MAPKAP1: variants seen among roughly 807,000 people sequenced by gnomAD.
The protein encoded by MAPKAP1 is target of rapamycin complex 2 subunit MAPKAP1.
MAPKAP1 carries 20 observed loss-of-function variants against 65.7 expected under a neutral mutation model. That is an observed-to-expected ratio of 0.30 (90% CI 0.21 to 0.44). MAPKAP1 has a LOEUF of 0.44. Among genes scored for constraint, MAPKAP1 ranks in the 20% least tolerant of loss-of-function variants. MAPKAP1 has a pLI of 1.00. For missense variants in MAPKAP1, 423 were observed against 648.0 expected (o/e 0.65, Z 3.77); for synonymous variants, 222 against 244.3 (o/e 0.91, Z 0.85).
At position 125,686,315 on chromosome 9, in the gene MAPKAP1, A is replaced by C. The variant is rs1196635653; in HGVS notation, c.-69-13672T>G. Among the ~76,000 whole-genome samples, 6 of 151,534 alleles carry C rather than the reference A, an allele frequency of 4.0e-5. No homozygotes were observed. In the East Asian group the frequency reaches 1.2e-3, roughly 29 times the overall value. On this transcript the variant is annotated intron_variant, in intron 1 of 11. Coordinates refer to ENST00000265960, the MANE Select transcript of MAPKAP1 (RefSeq NM_001006617.3). ...CAAAAGAATGAGACTCTGTCTCAAA[A>C]AAAAAAAAAAGAAAAGAAAAAGAAA...
chr9:125,563,539 C>T (rs116910837), intron 5 of MAPKAP1, among the ~76,000 whole-genome samples: 100 of 152,152 alleles, frequency 6.6e-4, no homozygotes, highest in Non-Finnish European at 1.1e-3. Context: ...TTGCTTTTTC[C>T]TATTTCTGCA....
intron 7 of MAPKAP1, among the ~76,000 whole-genome samples, chr9:125,528,315 C>T (rs1829831008): frequency 6.6e-6 from 1 of 152,216 alleles, no homozygotes; most frequent in South Asian, 2.1e-4. Context: ...TGGAACATGG[C>T]CTGTTTCCCT....
chr9:125,483,023 C>T (rs542130228), intron 9 of MAPKAP1, among the ~76,000 whole-genome samples: 10 of 152,228 alleles, frequency 6.6e-5, no homozygotes, highest in Non-Finnish European at 1.3e-4. Context: ...AGCTAATAAA[C>T]GAGCAGGGTT....
intron 7 of MAPKAP1, among the ~76,000 whole-genome samples, chr9:125,515,643 A>G (rs1829438716): frequency 6.6e-6 from 1 of 152,248 alleles, no homozygotes; most frequent in South Asian, 2.1e-4. Flanking sequence ...TCGTAACTAA[A>G]TTGAACCGAT....
intron 4 of MAPKAP1, among the ~76,000 whole-genome samples, chr9:125,616,873 A>G (rs1488648345): frequency 1.3e-5 from 2 of 152,250 alleles, no homozygotes; most frequent in Non-Finnish European, 2.9e-5. Context: ...AAATCAATTT[A>G]GCCAATTTCA....
chr9:125,438,789 T>C lies in MAPKAP1; in HGVS notation c.*98A>G. ...TGTGCCAGTGAGCCAGGGGCTGGCCTCCCCCCGAGGACTTCAGGACACCGG... is the reference window on the plus strand; with the variant it reads ...TGTGCCAGTGAGCCAGGGGCTGGCCCCCCCCCGAGGACTTCAGGACACCGG... On this transcript the variant is annotated 3_prime_UTR_variant, in exon 12 of 12. Transcript: ENST00000265960. 1 of 1,516,442 alleles carries C rather than the reference T, an allele frequency of 6.6e-7. No homozygotes were observed. Among genetic ancestry groups the C allele is most frequent in the African/African-American group, 1.4e-5 (1 of 72,776 alleles). 93.9% of individuals were successfully genotyped at this position (1,516,442 alleles called of 1,614,324 possible). A position where few individuals can be genotyped will look rare whatever the true frequency, so the allele number is the denominator to read the frequency against.
At chr9:125,676,043 A>ATG (rs1834634528) in intron 1 of MAPKAP1, among the ~76,000 whole-genome samples, 1 of 152,218 alleles carries the variant, frequency 6.6e-6, no homozygotes, top group Admixed American at 6.5e-5. Context: ...GGACATACAT[A>ATG]TCACGGATAA....
At chr9:125,609,859 CTG>C (rs1832549047) in intron 4 of MAPKAP1, among the ~76,000 whole-genome samples, 1 of 152,244 alleles carries the variant, frequency 6.6e-6, no homozygotes, top group Non-Finnish European at 1.5e-5. Flanking sequence ...ACCATTTACT[CTG>C]TGCCTGGCAC....
chr9:125,514,725 A>G (rs1829410028), intron 7 of MAPKAP1, among the ~76,000 whole-genome samples: 1 of 152,160 alleles, frequency 6.6e-6, no homozygotes. Flanking sequence ...TGACACAATC[A>G]GCTTTATATT....
At chr9:125,659,221 T>C (rs1834118424) in intron 3 of MAPKAP1, among the ~76,000 whole-genome samples, 1 of 152,196 alleles carries the variant, frequency 6.6e-6, no homozygotes, top group Non-Finnish European at 1.5e-5. Context: ...CCAGGATCAA[T>C]ACTAGGTATT....
intron 8 of MAPKAP1, among the ~76,000 whole-genome samples, chr9:125,501,072 T>C (rs757785176): frequency 5.3e-5 from 8 of 152,214 alleles, no homozygotes; most frequent in Non-Finnish European, 1.0e-4. Context: ...CACTAAGACA[T>C]TGTCTCACTA....
At chr9:125,570,151 GA>G (rs1442149029) in intron 5 of MAPKAP1, among the ~76,000 whole-genome samples, 1 of 151,336 alleles carries the variant, frequency 6.6e-6, no homozygotes, top group Non-Finnish European at 1.5e-5. Context: ...AGATTACAAA[GA>G]AAGACATTTT....
chr9:125,596,963 T>A (rs1189015808), intron 4 of MAPKAP1, among the ~76,000 whole-genome samples: 5 of 129,332 alleles, frequency 3.9e-5, no homozygotes, highest in Non-Finnish European at 3.2e-5. Flanking sequence ...AAATGTGTCT[T>A]AAAAAAAAAA....
chr9:125,455,557 C>A (rs1201490029), intron 10 of MAPKAP1, among the ~76,000 whole-genome samples: 3 of 150,458 alleles, frequency 2.0e-5, no homozygotes, highest in African/African-American at 7.3e-5. Context: ...TCATCAAATA[C>A]ATTTTTGGGT....
At chr9:125,463,583 C>G (rs976334617) in intron 10 of MAPKAP1, among the ~76,000 whole-genome samples, 8 of 152,210 alleles carry the variant, frequency 5.3e-5, no homozygotes, top group South Asian at 2.1e-4. Flanking sequence ...CTAGGGTTTA[C>G]CAGTCTCCTG....
chr9:125,512,299 A>T (rs1829324225), intron 7 of MAPKAP1, among the ~76,000 whole-genome samples: 2 of 152,198 alleles, frequency 1.3e-5, no homozygotes, highest in African/African-American at 4.8e-5. Flanking sequence ...CCGTGGGAGA[A>T]ACTTCTTTCA....
intron 6 of MAPKAP1, among the ~76,000 whole-genome samples, chr9:125,555,028 T>G (rs190717581): frequency 8.6e-4 from 131 of 152,310 alleles, no homozygotes; most frequent in African/African-American, 3.0e-3. Context: ...CAATGTTTAA[T>G]TTCAGCAAAA....
rs140718951 is a variant in MAPKAP1 at position 125,497,269 on chromosome 9, A to G, written c.1066+9041T>C. On this transcript the variant is annotated intron_variant, in intron 8 of 11. Coordinates refer to ENST00000265960, the MANE Select transcript of MAPKAP1 (RefSeq NM_001006617.3). ...AAATTAGGAAATGAGAATTTCATTA[A>G]GTGCTGAAATAATGGATGAACTTAA... Among the ~76,000 whole-genome samples the G allele has an allele frequency of 2.3e-3, 356 of 152,336 alleles. 1 individual carries two copies. Among genetic ancestry groups the G allele is most frequent in the Non-Finnish European group, 3.9e-3 (268 of 68,032 alleles).
intron 4 of MAPKAP1, among the ~76,000 whole-genome samples, chr9:125,647,934 CTTTTT>C (rs59735781): frequency 7.1e-6 from 1 of 140,590 alleles, no homozygotes. Context: ...GTCCCAATAT[CTTTTT>C]TTTTTTTTTT....
Sources: gnomAD v4.1 joint callset for allele counts (sites outside exome capture counted in the v4.1 genomes callset) on GRCh38, gnomAD v4.1.1 for gene constraint, MANE v1.5 for transcripts, NCBI Gene and HGNC (gene_info 2026-07-23, HGNC 2026-07-21) for gene names.